IL1RAPL2: variants seen among roughly 807,000 people sequenced by gnomAD.
The protein encoded by IL1RAPL2 is X-linked interleukin-1 receptor accessory protein-like 2.
IL1RAPL2 carries 3 observed loss-of-function variants against 44.1 expected under a neutral mutation model. The observed-to-expected ratio is 0.07, with a 90% CI of 0.03 to 0.18. The LOEUF is 0.18. Among genes scored for constraint, IL1RAPL2 ranks in the 10% least tolerant of loss-of-function variants. The pLI, the probability that IL1RAPL2 is intolerant of heterozygous loss-of-function variation, is 1.00. For synonymous variants in IL1RAPL2, 181 were observed against 178.8 expected, an observed-to-expected ratio of 1.01 and a Z score of -0.10; for missense variants, 391 against 496.4, an observed-to-expected ratio of 0.79 and a Z score of 2.02.
intron 5 of IL1RAPL2, among the ~76,000 whole-genome samples, chrX:105,435,620 T>C: frequency 9.0e-6 from 1 of 111,506 alleles, no homozygotes; most frequent in Admixed American, 9.6e-5. Flanking sequence ...TTATTCACAA[T>C]AGCAAAGACC....
In IL1RAPL2 at chrX:105,561,349, G is replaced by T. The variant is rs149230245; in HGVS notation, c.772+76962G>T. ...GGTCTAAAGTAAAGAAGCACTTGAAGAAATCTTTAAAAAAAAATTATTAGC... is the reference window on the plus strand; with the variant it reads ...GGTCTAAAGTAAAGAAGCACTTGAATAAATCTTTAAAAAAAAATTATTAGC... On this transcript the variant is annotated intron_variant, in intron 6 of 10. Coordinates refer to ENST00000372582, the MANE Select transcript of IL1RAPL2 (RefSeq NM_017416.2). Among the ~76,000 whole-genome samples, 97 of 111,670 alleles carry T rather than the reference G, an allele frequency of 8.7e-4. No individual in the cohort carries two copies. In the East Asian group the frequency reaches 0.014, roughly 16 times the overall value.
chrX:104,732,741 TAAAAA>T (rs993977054), intron 2 of IL1RAPL2, among the ~76,000 whole-genome samples: 2 of 111,442 alleles, frequency 1.8e-5, no homozygotes, highest in African/African-American at 6.5e-5. Context: ...TTCAGAGAAT[TAAAAA>T]AGAGGGAAAA....
intron 1 of IL1RAPL2, among the ~76,000 whole-genome samples, chrX:104,610,706 A>C (rs1929135770): frequency 8.9e-6 from 1 of 111,891 alleles, no homozygotes; most frequent in South Asian, 3.8e-4. Context: ...ATACTGCCCA[A>C]GGTAATTTAT....
At chrX:104,953,113 C>T (rs1273601086) in intron 2 of IL1RAPL2, among the ~76,000 whole-genome samples, 1 of 111,417 alleles carries the variant, frequency 9.0e-6, no homozygotes, top group African/African-American at 3.3e-5. Context: ...ATTGCAGGAA[C>T]ATGTGCTTAC....
chrX:104,776,821 T>C (rs1199836593), intron 2 of IL1RAPL2, among the ~76,000 whole-genome samples: 1 of 112,134 alleles, frequency 8.9e-6, no homozygotes, highest in East Asian at 2.8e-4. Flanking sequence ...GGTATATTTG[T>C]AGAATATATT....
chrX:104,925,506 A>G (rs1206798851), intron 2 of IL1RAPL2, among the ~76,000 whole-genome samples: 2 of 111,933 alleles, frequency 1.8e-5, no homozygotes, highest in African/African-American at 6.5e-5. Flanking sequence ...ATCCACCACG[A>G]TCAACTAGGC....
At position 105,097,297 on chromosome X, in the gene IL1RAPL2, A is replaced by G. The variant is rs1241197349; in HGVS notation, c.83-98178A>G. Reference sequence around the variant, plus strand: ...AGCCGACATCGCACCACTGCACTCCAGCCTGGGTGACAGAGCGAGACTCAG... The same window carrying G: ...AGCCGACATCGCACCACTGCACTCCGGCCTGGGTGACAGAGCGAGACTCAG... On this transcript the variant is annotated intron_variant, in intron 2 of 10. Coordinates refer to ENST00000372582, the MANE Select transcript of IL1RAPL2 (RefSeq NM_017416.2). Among the ~76,000 whole-genome samples, 3 of 91,282 alleles carry G rather than the reference A, an allele frequency of 3.3e-5. No homozygotes were observed. In the East Asian group the frequency reaches 1.1e-3, roughly 33 times the overall value. 79.3% of individuals were successfully genotyped at this position (91,282 alleles called of 115,157 possible).
chrX:104,740,794 C>G (rs1932089936), intron 2 of IL1RAPL2, among the ~76,000 whole-genome samples: 1 of 111,165 alleles, frequency 9.0e-6, no homozygotes, highest in Admixed American at 9.6e-5. Context: ...AAGCTACTTG[C>G]TGTTCTACCT....
At chrX:105,418,054 A>G (rs895026887) in intron 5 of IL1RAPL2, among the ~76,000 whole-genome samples, 3 of 111,553 alleles carry the variant, frequency 2.7e-5, no homozygotes, top group Non-Finnish European at 3.8e-5. Flanking sequence ...AGCATTTTTC[A>G]TATACCTCGC....
At chrX:104,842,868 G>T (rs980531517) in intron 2 of IL1RAPL2, among the ~76,000 whole-genome samples, 1 of 112,724 alleles carries the variant, frequency 8.9e-6, no homozygotes, top group Non-Finnish European at 1.9e-5. Flanking sequence ...AGGCACGGGG[G>T]TCAGGTACAC....
intron 2 of IL1RAPL2, among the ~76,000 whole-genome samples, chrX:104,917,925 A>G (rs908909270): frequency 4.5e-5 from 5 of 111,883 alleles, no homozygotes; most frequent in East Asian, 2.8e-4. Flanking sequence ...TTCTCTTTCT[A>G]TAATCTGTGC....
At position 105,098,670 on chromosome X, in the gene IL1RAPL2, A is replaced by G. The variant is rs909720479; in HGVS notation, c.83-96805A>G. On this transcript the variant is annotated intron_variant, in intron 2 of 10. Coordinates refer to ENST00000372582, the MANE Select transcript of IL1RAPL2 (RefSeq NM_017416.2). ...CATCAGACTGAATACAAGAAAATCA[A>G]TACGCAATCTGTGTGATAATTAATT... 2.7e-5 allele frequency among the ~76,000 whole-genome samples: 3 copies of G among 112,040 alleles called. No homozygotes were observed. In the Admixed American group the frequency reaches 2.8e-4, roughly 11 times the overall value.
At chrX:105,247,993 C>T (rs201253688) in intron 4 of IL1RAPL2, among the ~76,000 whole-genome samples, 3 of 111,116 alleles carry the variant, frequency 2.7e-5, no homozygotes, top group East Asian at 2.8e-4. Flanking sequence ...CACACACAAC[C>T]GTATGAGAAA....
intron 2 of IL1RAPL2, among the ~76,000 whole-genome samples, chrX:105,176,038 C>T (rs569151683): frequency 9.0e-6 from 1 of 110,644 alleles, no homozygotes; most frequent in East Asian, 2.8e-4. Flanking sequence ...AGTAATTATA[C>T]TCAGTTAACA....
intron 2 of IL1RAPL2, among the ~76,000 whole-genome samples, 184 bp from the exon 3 acceptor site, chrX:105,195,291 C>T (rs2033663996): frequency 9.1e-6 from 1 of 109,367 alleles, no homozygotes; most frequent in Non-Finnish European, 1.9e-5. Context: ...AGGCACAAGA[C>T]TGGAGCAGGG....
At chrX:104,626,713 A>T (rs1430172663) in intron 1 of IL1RAPL2, among the ~76,000 whole-genome samples, 1 of 111,321 alleles carries the variant, frequency 9.0e-6, no homozygotes, top group African/African-American at 3.3e-5. Flanking sequence ...CAGATGACAT[A>T]TCAGTTTCTA....
At chrX:105,363,314 TATA>T (rs1569429215) in intron 5 of IL1RAPL2, among the ~76,000 whole-genome samples, 2 of 88,360 alleles carry the variant, frequency 2.3e-5, no homozygotes, top group Admixed American at 1.2e-4. Flanking sequence ...ATATAATATA[TATA>T]TATATATATA....
chrX:105,585,371 T>A (rs1454021952), intron 6 of IL1RAPL2, among the ~76,000 whole-genome samples: 1 of 110,166 alleles, frequency 9.1e-6, no homozygotes, highest in Admixed American at 9.8e-5. Flanking sequence ...TTTTTTTTTT[T>A]AATTTAAGTT....
intron 2 of IL1RAPL2, among the ~76,000 whole-genome samples, chrX:105,041,143 A>T (rs1351296496): frequency 9.1e-6 from 1 of 109,542 alleles, no homozygotes; most frequent in Non-Finnish European, 1.9e-5. Context: ...TGTACCCAGT[A>T]GTCATTCAGG....
Sources: allele counts gnomAD v4.1 joint callset (sites outside exome capture counted in the v4.1 genomes callset), GRCh38; gene constraint gnomAD v4.1.1; transcripts MANE v1.5; gene names NCBI Gene and HGNC (gene_info 2026-07-23, HGNC 2026-07-21).